MCTP2: variants seen among roughly 807,000 people sequenced by gnomAD.
MCTP2 encodes multiple C2 and transmembrane domain-containing protein 2.
Under a neutral mutation model 111.6 loss-of-function variants are expected in MCTP2, and 132 were observed. That is an observed-to-expected ratio of 1.18 (90% CI 1.03 to 1.37). The LOEUF (loss-of-function observed/expected upper bound fraction) is 1.37, where lower values mean the gene tolerates loss of function less well. Among genes scored for constraint, MCTP2 ranks in the 40% most tolerant of loss-of-function variants. The probability of loss-of-function intolerance (pLI) is 0.00; values close to 1 mark genes in which losing one functional copy is unlikely to be tolerated. For synonymous variants in MCTP2, 395 were observed against 387.7 expected (o/e 1.02, Z -0.22); for missense variants, 1,183 against 1,067.9 (o/e 1.11, Z -1.50).
At chr15:94,443,797 T>C (rs2083928138) in intron 19 of MCTP2, among the ~76,000 whole-genome samples, 2 of 152,076 alleles carry the variant, frequency 1.3e-5, no homozygotes, top group South Asian at 2.1e-4. Flanking sequence ...GGATCATTAA[T>C]AGCAAAATAA....
In MCTP2 at chr15:94,327,296, C is replaced by T. The variant is rs937342807; in HGVS notation, c.637+11659C>T. On this transcript the variant is annotated intron_variant, in intron 4 of 22. Transcript: ENST00000357742. ...GAGTAGGAACTGAGTTTTACTTGAA[C>T]CAAATGGCTATCTATCTAACTAGGA... 2.6e-5 allele frequency among the ~76,000 whole-genome samples: 4 copies of T among 152,128 alleles called. No homozygotes were observed. The East Asian group carries it at 7.7e-4, about 29-fold the overall frequency.
chr15:94,334,555 A>G (rs1567451454), intron 4 of MCTP2, among the ~76,000 whole-genome samples: 2 of 152,216 alleles, frequency 1.3e-5, no homozygotes, highest in African/African-American at 4.8e-5. Flanking sequence ...TTGTTTAGAG[A>G]GACAGGGTCT....
Position 94,480,645 on chromosome 15 carries a change from A to T in MCTP2, c.*1611A>T, listed in dbSNP as rs1177345452. The T allele has an allele frequency of 6.6e-6, 1 of 152,214 alleles. No individual in the cohort carries two copies. The highest frequency in any genetic ancestry group is 1.9e-4 in the East Asian group (1 of 5,206). The allele number at this position is 152,214 out of a possible 1,614,324, so 9.4% of individuals were successfully genotyped here. A position where few individuals can be genotyped will look rare whatever the true frequency, so the allele number is the denominator to read the frequency against. ...ACAATGCCTCATTGTCTTGCTTCTA[A>T]CTATCATCTAGTTTATCATAGTCTG... is the stretch of plus-strand genomic sequence containing the variant. On this transcript the variant is annotated 3_prime_UTR_variant, in exon 23 of 23. Coordinates refer to ENST00000357742, the MANE Select transcript of MCTP2 (RefSeq NM_001385001.1).
intron 1 of MCTP2, among the ~76,000 whole-genome samples, chr15:94,254,861 T>C (rs1342295659): frequency 6.6e-6 from 1 of 152,222 alleles, no homozygotes; most frequent in African/African-American, 2.4e-5. Flanking sequence ...CAAAAGAGAA[T>C]TTCCAAACTG....
intron 14 of MCTP2, among the ~76,000 whole-genome samples, chr15:94,389,272 G>A (rs537958418): frequency 5.9e-5 from 9 of 152,016 alleles, no homozygotes; most frequent in African/African-American, 2.2e-4. Context: ...TAGGGGAAAG[G>A]CCGTGTCTGG....
chr15:94,442,988 C>G (rs528105881), intron 19 of MCTP2, 28 bp downstream of exon 19: 1 of 1,581,310 alleles, frequency 6.3e-7, no homozygotes, highest in East Asian at 2.3e-5. Flanking sequence ...AGAACACACA[C>G]AAAAAAACAC....
intron 1 of MCTP2, among the ~76,000 whole-genome samples, chr15:94,241,900 G>T (rs2070990218): frequency 6.6e-6 from 1 of 152,040 alleles, no homozygotes; most frequent in African/African-American, 2.4e-5. Context: ...AAGAGACTTT[G>T]AATTTGTTTA....
In MCTP2 at chr15:94,401,891, T is replaced by A; in HGVS notation, c.1966-9T>A. On this transcript the variant is annotated splice_polypyrimidine_tract_variant and intron_variant, in intron 16 of 22. Transcript: ENST00000357742. ...ATCTAGTTTCCTGTTTGTCATTTTTTAAAATCAGATCTTATCAAGAGATGT... is the reference window on the plus strand; with the variant it reads ...ATCTAGTTTCCTGTTTGTCATTTTTAAAAATCAGATCTTATCAAGAGATGT... The A allele has an allele frequency of 6.3e-7, 1 of 1,598,490 alleles. No individual in the cohort carries two copies. The highest frequency in any genetic ancestry group is 8.5e-7 in the Non-Finnish European group (1 of 1,172,666).
At chr15:94,245,333 T>C (rs1319938292) in intron 1 of MCTP2, among the ~76,000 whole-genome samples, 1 of 139,566 alleles carries the variant, frequency 7.2e-6, no homozygotes, top group Non-Finnish European at 1.5e-5. Context: ...TACATACATA[T>C]GTGTAGATAT....
intron 10 of MCTP2, among the ~76,000 whole-genome samples, chr15:94,360,390 T>C (rs2078865387): frequency 6.6e-6 from 1 of 152,226 alleles, no homozygotes; most frequent in Non-Finnish European, 1.5e-5. Context: ...TAGCTCAGGC[T>C]CAGGTACTTC....
At chr15:94,346,073 G>A (rs993856156) in intron 8 of MCTP2, among the ~76,000 whole-genome samples, 2 of 152,124 alleles carry the variant, frequency 1.3e-5, no homozygotes, top group African/African-American at 4.8e-5. Flanking sequence ...ATAATAAGGA[G>A]CTTGAAACTG....
At chr15:94,312,067 G>A (rs2076168664) in intron 2 of MCTP2, among the ~76,000 whole-genome samples, 1 of 152,126 alleles carries the variant, frequency 6.6e-6, no homozygotes, top group Admixed American at 6.5e-5. Flanking sequence ...CTTCAAAATG[G>A]GATTGGTTAG....
rs2084661836 is a variant in MCTP2, at chr15:94,454,323, G to A, written c.2251-3814G>A. ...AGAAATATGAGGCAGAAATGTACTT[G>A]GTGTTGGCTGTGATGCACTAATTAT... On this transcript the variant is annotated intron_variant, in intron 19 of 22. Transcript: ENST00000357742. 2.0e-5 allele frequency among the ~76,000 whole-genome samples: 3 copies of A among 152,264 alleles called. No individual in the cohort carries two copies. In the South Asian group the frequency reaches 6.2e-4, roughly 32 times the overall value.
chr15:94,321,826 C>T (rs971714433), intron 4 of MCTP2, among the ~76,000 whole-genome samples: 3 of 152,196 alleles, frequency 2.0e-5, no homozygotes, highest in South Asian at 2.1e-4. Flanking sequence ...ATAAACAGCC[C>T]GTTGGCATAT....
chr15:94,293,865 T>G (rs1303092412), intron 1 of MCTP2, among the ~76,000 whole-genome samples: 1 of 152,138 alleles, frequency 6.6e-6, no homozygotes, highest in East Asian at 1.9e-4. Flanking sequence ...CTCTTTGGCA[T>G]TTATCCCAGA....
chr15:94,327,554 A>G (rs559326789), intron 4 of MCTP2, among the ~76,000 whole-genome samples: 2 of 152,358 alleles, frequency 1.3e-5, no homozygotes, highest in East Asian at 3.9e-4. Context: ...ACCAGATGGC[A>G]TGAGATCATT....
chr15:94,249,928 C>A (rs1330370690), intron 1 of MCTP2, among the ~76,000 whole-genome samples: 1 of 152,116 alleles, frequency 6.6e-6, no homozygotes, highest in Non-Finnish European at 1.5e-5. Context: ...CAAAATGTCA[C>A]TGCAAACATT....
At chr15:94,422,962 C>T (rs1026598431) in intron 17 of MCTP2, among the ~76,000 whole-genome samples, 1 of 152,154 alleles carries the variant, frequency 6.6e-6, no homozygotes, top group Non-Finnish European at 1.5e-5. Flanking sequence ...TCCCAAAGTG[C>T]TGGGATTACA....
At chr15:94,476,925 G>T in intron 22 of MCTP2, 132 bp downstream of exon 22, 1 of 596,936 alleles carries the variant, frequency 1.7e-6, no homozygotes, top group East Asian at 2.9e-5. Flanking sequence ...AAAGAGGCCT[G>T]GCTTGCAGAG....
Sources: gnomAD v4.1 joint callset for allele counts (sites outside exome capture counted in the v4.1 genomes callset) on GRCh38, gnomAD v4.1.1 for gene constraint, MANE v1.5 for transcripts, NCBI Gene and HGNC (gene_info 2026-07-23, HGNC 2026-07-21) for gene names.